Variants in RFC5 observed in about 807,000 individuals in gnomAD.
RFC5 encodes the protein A1 36 kDa subunit.
Under a neutral mutation model 44.3 loss-of-function variants are expected in RFC5, and 26 were observed. That is an observed-to-expected ratio of 0.59 (90% CI 0.43 to 0.81). The LOEUF (loss-of-function observed/expected upper bound fraction) is 0.81. Ranked by LOEUF, RFC5 falls within the 40% of genes least tolerant of loss-of-function variation. RFC5 has a pLI of 0.00. For missense variants in RFC5, 328 were observed against 418.6 expected (o/e 0.78, Z 1.89); for synonymous variants, 155 against 155.2 (o/e 1.00, Z 0.01).
chr12:118,034,441 G>T, downstream of RFC5: 2 of 1,528,540 alleles, frequency 1.3e-6, no homozygotes, highest in South Asian at 1.2e-5. Context: ...TTTCTGTTTT[G>T]ACTGCAAAGA....
At chr12:118,034,820 G>T, downstream of RFC5, 1 of 639,256 alleles carries the variant, frequency 1.6e-6, no homozygotes, top group South Asian at 2.3e-5. Context: ...AGAGAAAATG[G>T]GACACCGTTA....
intron 10 of RFC5, 144 bp downstream of exon 10, chr12:118,029,969 T>G (rs888047765): frequency 5.7e-6 from 4 of 704,188 alleles, no homozygotes; most frequent in Non-Finnish European, 1.0e-5. Context: ...TTGAATGGAA[T>G]GTGGGGAAGG....
At chr12:118,038,393 C>A in the RFC5 span, 2 of 1,612,926 alleles carry the variant, frequency 1.2e-6, no homozygotes, top group South Asian at 1.1e-5. Context: ...GTTTACCTGG[C>A]AGGAAAAAGA....
the RFC5 span, among the ~76,000 whole-genome samples, chr12:118,041,290 A>G: frequency 6.6e-6 from 1 of 152,184 alleles, no homozygotes; most frequent in Non-Finnish European, 1.5e-5. Flanking sequence ...AAGAAGAGAC[A>G]TGAAAGAGAG....
intron 9 of RFC5, among the ~76,000 whole-genome samples, chr12:118,028,459 G>T (rs1020697319): frequency 2.6e-5 from 4 of 151,290 alleles, no homozygotes; most frequent in African/African-American, 9.7e-5. Context: ...ACTCCAGCCT[G>T]GGCGACAGAG....
chr12:118,033,598 G>A (rs941097828), downstream of RFC5: 1 of 150,014 alleles, frequency 6.7e-6, no homozygotes, highest in Non-Finnish European at 1.5e-5. Flanking sequence ...TCAGGAGCAC[G>A]GCCTCTGAGT....
At chr12:118,036,229 C>T, downstream of RFC5, 1 of 1,323,274 alleles carries the variant, frequency 7.6e-7, no homozygotes, top group Non-Finnish European at 1.0e-6. Flanking sequence ...CCTTTTTATC[C>T]AGCTTGTCCC....
Position 118,032,186 on chromosome 12 carries a change from TTCTGTC to T in RFC5, c.*912_*917del, listed in dbSNP as rs2031362044. ...TCAAACTTGCATTTATATGAAAACC[TTCTGTC>T]TCTAATATCACAGAATAAACTTTCT... On this transcript the variant is annotated 3_prime_UTR_variant, in exon 11 of 11. Transcript: ENST00000454402. 2 of 152,252 alleles carry T rather than the reference TTCTGTC, an allele frequency of 1.3e-5. No individual in the cohort carries two copies. The highest frequency in any genetic ancestry group is 4.1e-4 in the South Asian group (2 of 4,836). The allele number at this position is 152,252 out of a possible 1,614,324, so 9.4% of individuals were successfully genotyped here. A position where few individuals can be genotyped will look rare whatever the true frequency, so the allele number is the denominator to read the frequency against.
At position 118,031,330 on chromosome 12, in the gene RFC5, AGAG is replaced by A. The variant is rs532588116; in HGVS notation, c.*55_*57del. The A allele has an allele frequency of 2.2e-4, 273 of 1,245,100 alleles. No homozygotes were observed. Among genetic ancestry groups the A allele is most frequent in the Non-Finnish European group, 3.0e-4 (259 of 851,554 alleles). 77.1% of individuals were successfully genotyped at this position (1,245,100 alleles called of 1,614,324 possible). ...CAGGGCTCAGCAGTGATGGGAGAAC[AGAG>A]GACAGTTCCAGGATAAACTGCTGCC... On this transcript the variant is annotated 3_prime_UTR_variant, in exon 11 of 11. Transcript: ENST00000454402.
At chr12:118,020,454 C>A (rs992377230) in intron 3 of RFC5, among the ~76,000 whole-genome samples, 16 of 152,204 alleles carry the variant, frequency 1.1e-4, no homozygotes, top group African/African-American at 3.9e-4. Flanking sequence ...ATTGCTGGGA[C>A]CTTGACTAAT....
rs764193645 is a variant in RFC5, at chr12:118,019,800, C to T, written c.267+32C>T. The T allele has an allele frequency of 1.3e-6, 2 of 1,562,752 alleles. No homozygotes were observed. The highest frequency in any genetic ancestry group is 1.7e-6 in the Non-Finnish European group (2 of 1,143,060). On this transcript the variant is annotated intron_variant, in intron 3 of 10. Transcript: ENST00000454402. The surrounding 1 kb of genome is among the most constrained non-coding windows in gnomAD (Gnocchi z 4.2). ...AAGATTGTTCTTACTCTACAAATAACTTAAGAGACTCCAGTCTCTTAATTT... is the reference window on the plus strand; with the variant it reads ...AAGATTGTTCTTACTCTACAAATAATTTAAGAGACTCCAGTCTCTTAATTT...
intron 10 of RFC5, among the ~76,000 whole-genome samples, chr12:118,030,727 C>T (rs2031259323): frequency 6.6e-6 from 1 of 152,210 alleles, no homozygotes; most frequent in South Asian, 2.1e-4. Context: ...CAACCTCTGC[C>T]TCCCAGGTTC....
chr12:118,025,279 T>C (rs2030858274), intron 6 of RFC5: 1 of 399,354 alleles, frequency 2.5e-6, no homozygotes, highest in Admixed American at 4.2e-5. Flanking sequence ...TTCTTTGTCA[T>C]TGGAAACTGC....
At chr12:118,030,960 G>A (rs5745890) in intron 10 of RFC5, among the ~76,000 whole-genome samples, 2 of 151,976 alleles carry the variant, frequency 1.3e-5, no homozygotes, top group African/African-American at 2.4e-5. Context: ...AAATTGAATC[G>A]GTCCTTACAA....
the RFC5 span, among the ~76,000 whole-genome samples, chr12:118,038,607 G>A: frequency 6.6e-6 from 1 of 152,142 alleles, no homozygotes; most frequent in African/African-American, 2.4e-5. Context: ...ATTCCCCACG[G>A]AAACCAGTAC....
In RFC5 at chr12:118,024,137, C is replaced by G. The variant is rs185605115; in HGVS notation, c.422-714C>G. On this transcript the variant is annotated intron_variant, in intron 5 of 10. Coordinates refer to ENST00000454402, the MANE Select transcript of RFC5 (RefSeq NM_007370.7). ...CGGGCGAATCATGAGGTCAGGAGAT[C>G]GAGACCATCCTGGCTAACATGGTGA... Among the ~76,000 whole-genome samples, 251 of 152,014 alleles carry G rather than the reference C, an allele frequency of 1.7e-3. 3 individuals carry two copies. The South Asian group carries it at 0.034, about 21-fold the overall frequency.
chr12:118,027,903 C>G, intron 8 of RFC5, 50 bp from the exon 9 acceptor site: 3 of 1,125,160 alleles, frequency 2.7e-6, no homozygotes, highest in Non-Finnish European at 4.1e-6. Context: ...AAATTCTCTG[C>G]AGTATGTTTG....
chr12:118,036,197 G>A (rs777391097), downstream of RFC5: 142 of 1,023,706 alleles, frequency 1.4e-4, no homozygotes, highest in Non-Finnish European at 1.7e-4. Flanking sequence ...GCGAGACTCC[G>A]TCTCAAAAGA....
At chr12:118,033,402 C>G (rs2031418723), downstream of RFC5, 1 of 152,546 alleles carries the variant, frequency 6.6e-6, no homozygotes, top group Non-Finnish European at 1.5e-5. Context: ...ACCTTAACAT[C>G]TGTTGAGAAA....
Sources: allele counts gnomAD v4.1 joint callset (sites outside exome capture counted in the v4.1 genomes callset), GRCh38; gene constraint gnomAD v4.1.1; non-coding constraint Gnocchi (gnomAD v3.1); transcripts MANE v1.5; gene names NCBI Gene and HGNC (gene_info 2026-07-23, HGNC 2026-07-21).